The following NCOA2 variants were observed in gnomAD, a reference collection of about 807,000 sequenced individuals.
NCOA2 encodes class E basic helix-loop-helix protein 75.
In NCOA2, 21 loss-of-function variants were observed where a neutral mutation model predicts 145.1. That is an observed-to-expected ratio of 0.14 (90% CI 0.10 to 0.21). The LOEUF (loss-of-function observed/expected upper bound fraction) is 0.21. Among genes scored for constraint, NCOA2 ranks in the 10% least tolerant of loss-of-function variants. The pLI, the probability that NCOA2 is intolerant of heterozygous loss-of-function variation, is 1.00. For synonymous variants in NCOA2, 619 were observed against 637.5 expected (o/e 0.97, Z 0.44); for missense variants, 1,472 against 1,837.6 (o/e 0.80, Z 3.64).
chr8:70,245,271 C>T (rs1196917079), intron 2 of NCOA2: 1 of 152,080 alleles, frequency 6.6e-6, no homozygotes, highest in African/African-American at 2.4e-5. Context: ...ACAAACTAGC[C>T]ACACAAATCC....
rs1428781158 is a variant in NCOA2 at position 70,171,216 on chromosome 8, T to C, written c.364-837A>G. On this transcript the variant is annotated intron_variant, in intron 5 of 22. Transcript: ENST00000452400. ...CTAGGATCATTTCAGGAAGTTGAGATAATAACAGTGGCTGTGGAGCATGTT... is the reference window on the plus strand; with the variant it reads ...CTAGGATCATTTCAGGAAGTTGAGACAATAACAGTGGCTGTGGAGCATGTT... Among the ~76,000 whole-genome samples the C allele has an allele frequency of 2.0e-5, 3 of 152,196 alleles. No homozygotes were observed. In the East Asian group the frequency reaches 5.8e-4, roughly 29 times the overall value.
intron 1 of NCOA2, among the ~76,000 whole-genome samples, chr8:70,399,640 T>C (rs545857043): frequency 3.3e-5 from 5 of 152,254 alleles, no homozygotes; most frequent in Admixed American, 6.5e-5. Flanking sequence ...ATTTCTTAAA[T>C]AGCAGTTTTT....
In NCOA2 at chr8:70,271,111, C is replaced by T. The variant is rs533858100; in HGVS notation, c.-20+25633G>A. On this transcript the variant is annotated intron_variant, in intron 2 of 22. Coordinates refer to ENST00000452400, the MANE Select transcript of NCOA2 (RefSeq NM_006540.4). ...AATACATCTTGGCTCATTAAAAACGCAACACAGGCATATGCTCTTTTCAAA... is the reference window on the plus strand; with the variant it reads ...AATACATCTTGGCTCATTAAAAACGTAACACAGGCATATGCTCTTTTCAAA... Among the ~76,000 whole-genome samples the T allele has an allele frequency of 2.0e-5, 3 of 152,234 alleles. No homozygotes were observed. The South Asian group carries it at 6.2e-4, about 32-fold the overall frequency.
At chr8:70,417,255 A>AAAAAAAAAAAAAAAAAC in the NCOA2 span, among the ~76,000 whole-genome samples, 1 of 148,626 alleles carries the variant, frequency 6.7e-6, no homozygotes, top group African/African-American at 2.5e-5. Flanking sequence ...TAAAAAAAAA[A>AAAAAAAAAAAAAAAAAC]AAAAAAAAAA....
At chr8:70,422,096 G>GA in the NCOA2 span, among the ~76,000 whole-genome samples, 580 of 141,458 alleles carry the variant, frequency 4.1e-3, 6 homozygotes, top group African/African-American at 0.013. Context: ...CTCCGGTCTC[G>GA]AAAAAAAAAA....
intron 1 of NCOA2, among the ~76,000 whole-genome samples, chr8:70,351,693 C>T (rs1809244735): frequency 6.6e-6 from 1 of 151,070 alleles, no homozygotes; most frequent in African/African-American, 2.4e-5. Flanking sequence ...TCCAGCAATC[C>T]CCCTACCTCA....
At chr8:70,324,487 G>C (rs755241840) in intron 1 of NCOA2, among the ~76,000 whole-genome samples, 45 of 152,080 alleles carry the variant, frequency 3.0e-4, no homozygotes, top group Admixed American at 5.9e-4. Context: ...GTAGGCACGT[G>C]CCACTGCACC....
At chr8:70,274,899 T>C (rs1825358482) in intron 2 of NCOA2, among the ~76,000 whole-genome samples, 1 of 152,162 alleles carries the variant, frequency 6.6e-6, no homozygotes, top group South Asian at 2.1e-4. Context: ...TCTCACCTCT[T>C]AGTGTCCACA....
chr8:70,360,063 G>A (rs1317242677), intron 1 of NCOA2, among the ~76,000 whole-genome samples: 3 of 152,110 alleles, frequency 2.0e-5, no homozygotes, highest in Non-Finnish European at 4.4e-5. Context: ...TCCCTACTCT[G>A]AATTAACTAT....
chr8:70,219,917 A>G (rs897957486), intron 2 of NCOA2, among the ~76,000 whole-genome samples: 1 of 152,198 alleles, frequency 6.6e-6, no homozygotes, highest in Non-Finnish European at 1.5e-5. Flanking sequence ...CCCCAACTCA[A>G]AATACTGGGC....
intron 12 of NCOA2, among the ~76,000 whole-genome samples, chr8:70,145,187 C>T (rs933571174): frequency 3.9e-5 from 6 of 152,266 alleles, no homozygotes; most frequent in Non-Finnish European, 5.9e-5. Flanking sequence ...GACAGAGTTT[C>T]GCTCTTGTTG....
At chr8:70,432,017 C>A in the NCOA2 span, among the ~76,000 whole-genome samples, 7 of 152,186 alleles carry the variant, frequency 4.6e-5, no homozygotes, top group Admixed American at 4.6e-4. Context: ...AAAATCAGAG[C>A]GTGCTCTCAA....
chr8:70,270,800 G>A (rs1291519636), intron 2 of NCOA2, among the ~76,000 whole-genome samples: 1 of 152,070 alleles, frequency 6.6e-6, no homozygotes, highest in South Asian at 2.1e-4. Flanking sequence ...CAAGGAAAAC[G>A]ATTTTGAAAT....
intron 2 of NCOA2, among the ~76,000 whole-genome samples, chr8:70,246,054 T>C (rs7822072): frequency 0.03 from 4,498 of 152,166 alleles, 231 homozygotes; most frequent in African/African-American, 0.1. Context: ...TCTTAAAAAA[T>C]AATAATCAGA....
intron 4 of NCOA2, among the ~76,000 whole-genome samples, chr8:70,205,533 A>G (rs145827050): frequency 5.3e-5 from 8 of 152,222 alleles, no homozygotes; most frequent in Middle Eastern, 3.4e-3. Context: ...TATACACTAC[A>G]AACGCAGAAT....
intron 1 of NCOA2, among the ~76,000 whole-genome samples, chr8:70,399,330 AAAGT>A (rs1219628979): frequency 6.6e-6 from 1 of 152,206 alleles, no homozygotes; most frequent in Non-Finnish European, 1.5e-5. Context: ...TTTGTTTAGA[AAAGT>A]AAGGCATAGA....
chr8:70,284,292 C>A (rs1179388415), intron 2 of NCOA2, among the ~76,000 whole-genome samples: 1 of 152,210 alleles, frequency 6.6e-6, no homozygotes, highest in Non-Finnish European at 1.5e-5. Context: ...ATGTCCTCCT[C>A]TTTCTCTTTC....
rs531333642 is a variant in NCOA2 at position 70,278,890 on chromosome 8, T to C, written c.-20+17854A>G. Reference sequence around the variant, plus strand: ...CTGAGGCATGAGAATTGCTTGAACCTGGGAGGCAGACACTGCAGTGAACCG... The same window carrying C: ...CTGAGGCATGAGAATTGCTTGAACCCGGGAGGCAGACACTGCAGTGAACCG... On this transcript the variant is annotated intron_variant, in intron 2 of 22. Transcript: ENST00000452400. 2.0e-5 allele frequency among the ~76,000 whole-genome samples: 3 copies of C among 151,288 alleles called. No homozygotes were observed. In the East Asian group the frequency reaches 5.8e-4, roughly 29 times the overall value.
chr8:70,336,542 C>T (rs897572526), intron 1 of NCOA2, among the ~76,000 whole-genome samples: 14 of 152,134 alleles, frequency 9.2e-5, no homozygotes, highest in Middle Eastern at 3.4e-3. Flanking sequence ...AGGAAACTTA[C>T]AATCATGGTG....
Sources: allele counts gnomAD v4.1 joint callset (sites outside exome capture counted in the v4.1 genomes callset), GRCh38; gene constraint gnomAD v4.1.1; transcripts MANE v1.5; gene names NCBI Gene and HGNC (gene_info 2026-07-23, HGNC 2026-07-21).